Variants in SND1 observed in about 807,000 individuals in gnomAD.
SND1 encodes staphylococcal nuclease domain-containing protein 1.
Under a neutral mutation model 121.7 loss-of-function variants are expected in SND1, and 38 were observed. The ratio of observed to expected loss-of-function variants is 0.31; its 90% CI spans 0.24 to 0.41. The LOEUF (loss-of-function observed/expected upper bound fraction) is 0.41, where lower values mean the gene tolerates loss of function less well. Among genes scored for constraint, SND1 ranks in the 10% least tolerant of loss-of-function variants. The pLI is 1.00. For missense variants in SND1, 868 were observed against 1,184.6 expected (o/e 0.73, Z 3.92); for synonymous variants, 401 against 447.4 (o/e 0.90, Z 1.31).
intron 9 of SND1, among the ~76,000 whole-genome samples, chr7:127,711,739 GTTTTTTTCTCCT>G (rs1562987434): frequency 1.3e-5 from 2 of 151,602 alleles, no homozygotes; most frequent in African/African-American, 4.8e-5. Context: ...TCATCTTCCA[GTTTTTTTCTCCT>G]ATTTTCTGTC....
intron 1 of SND1, among the ~76,000 whole-genome samples, chr7:127,661,958 A>G (rs1165778819): frequency 6.7e-6 from 1 of 149,706 alleles, no homozygotes; most frequent in Non-Finnish European, 1.5e-5. Context: ...TCTACTAAAA[A>G]TACAAAAATT....
chr7:127,812,783 G>T (rs1001047328), intron 11 of SND1, among the ~76,000 whole-genome samples: 9 of 152,170 alleles, frequency 5.9e-5, no homozygotes, highest in Non-Finnish European at 1.2e-4. Flanking sequence ...TCAGGGTTGT[G>T]CTTTTCCTTA....
chr7:128,083,495 G>T (rs1278672558), intron 18 of SND1, among the ~76,000 whole-genome samples: 1 of 152,212 alleles, frequency 6.6e-6, no homozygotes, highest in East Asian at 1.9e-4. Flanking sequence ...CTTAAGAGTG[G>T]ACATACATCC....
chr7:127,779,490 G>A (rs556169635), intron 10 of SND1, among the ~76,000 whole-genome samples: 2 of 152,274 alleles, frequency 1.3e-5, no homozygotes, highest in South Asian at 2.1e-4. Context: ...AGAGACAATG[G>A]CCATATTCCC....
At chr7:127,866,390 C>T (rs1187802066) in intron 12 of SND1, among the ~76,000 whole-genome samples, 5 of 152,140 alleles carry the variant, frequency 3.3e-5, no homozygotes, top group Admixed American at 1.3e-4. Flanking sequence ...AAGCTAGGGG[C>T]TGCCCATCAA....
intron 1 of SND1, among the ~76,000 whole-genome samples, chr7:127,680,733 T>C (rs963368556): frequency 6.6e-6 from 1 of 150,742 alleles, no homozygotes; most frequent in African/African-American, 2.4e-5. Flanking sequence ...AACGCAATCA[T>C]CACAGGGTTC....
chr7:127,895,010 C>G (rs1427100720), intron 13 of SND1, among the ~76,000 whole-genome samples: 1 of 151,900 alleles, frequency 6.6e-6, no homozygotes. Context: ...TTAGCCCTCC[C>G]TCTTTCCTCC....
At chr7:127,920,638 A>G (rs1800682687) in intron 14 of SND1, among the ~76,000 whole-genome samples, 1 of 152,156 alleles carries the variant, frequency 6.6e-6, no homozygotes, top group Non-Finnish European at 1.5e-5. Flanking sequence ...CATACCTTTC[A>G]GATAGTTCTG....
intron 15 of SND1, among the ~76,000 whole-genome samples, chr7:127,941,787 G>A (rs1031556667): frequency 1.4e-5 from 2 of 145,062 alleles, no homozygotes; most frequent in Admixed American, 6.9e-5. Flanking sequence ...GTATGTGCAG[G>A]GAATGCAGAA....
At chr7:127,868,837 T>G (rs1228894852) in intron 12 of SND1, among the ~76,000 whole-genome samples, 1 of 152,218 alleles carries the variant, frequency 6.6e-6, no homozygotes, top group African/African-American at 2.4e-5. Flanking sequence ...TTTTATTTTT[T>G]TTAACTTTAG....
intron 16 of SND1, among the ~76,000 whole-genome samples, chr7:128,046,970 ATC>A (rs1792959885): frequency 6.6e-6 from 1 of 152,148 alleles, no homozygotes; most frequent in Non-Finnish European, 1.5e-5. Context: ...CTGATGTTAG[ATC>A]TCTTAGTGTG....
chr7:128,092,260 G>C lies in SND1; in HGVS notation c.*202G>C, dbSNP rs1450148956. 8.4e-6 allele frequency: 5 copies of C among 591,946 alleles called. No homozygotes were observed. The highest frequency in any genetic ancestry group is 1.2e-5 in the Non-Finnish European group (4 of 332,574). The allele number at this position is 591,946 out of a possible 1,614,324, so 36.7% of individuals were successfully genotyped here. A position where few individuals can be genotyped will look rare whatever the true frequency, so the allele number is the denominator to read the frequency against. On this transcript the variant is annotated 3_prime_UTR_variant, in exon 24 of 24. Transcript: ENST00000354725. The surrounding 1 kb of genome is among the most constrained non-coding windows in gnomAD (Gnocchi z 4.9). The stretch of plus-strand genomic sequence containing the variant: ...TTTCTGGGGCAGACCCTTGTCCTCT[G>C]GGATGATGGGCACTGCTATCCACAG...
intron 13 of SND1, among the ~76,000 whole-genome samples, chr7:127,888,780 G>A (rs568689628): frequency 6.6e-6 from 1 of 152,086 alleles, no homozygotes; most frequent in Non-Finnish European, 1.5e-5. Flanking sequence ...TTGTTTAAAC[G>A]TGATTTCAGA....
chr7:127,822,769 C>T (rs564187765), intron 11 of SND1, among the ~76,000 whole-genome samples: 3 of 152,258 alleles, frequency 2.0e-5, no homozygotes, highest in South Asian at 2.1e-4. Context: ...ATGATGGTTT[C>T]TCCATGTCAT....
chr7:127,738,181 C>T (rs1294993805), intron 10 of SND1, among the ~76,000 whole-genome samples: 2 of 152,096 alleles, frequency 1.3e-5, no homozygotes, highest in African/African-American at 4.8e-5. Flanking sequence ...AGCTTCTCCT[C>T]CCACCCCCAA....
Position 127,980,279 on chromosome 7 carries a change from ATTTTTT to A in SND1, c.1670-10659_1670-10654del, listed in dbSNP as rs555863231. 4.0e-5 allele frequency among the ~76,000 whole-genome samples: 2 copies of A among 49,722 alleles called. 1 individual carries two copies. Among genetic ancestry groups the A allele is most frequent in the Non-Finnish European group, 6.7e-5 (2 of 29,780 alleles). 32.6% of individuals were successfully genotyped at this position (49,722 alleles called of 152,430 possible). ...AGGCGCCCGCCACTACGCCCGGCTA[ATTTTTT>A]TTTTTTTTGTATTTTTAGTAGAGAC... On this transcript the variant is annotated intron_variant, in intron 15 of 23. Transcript: ENST00000354725.
At chr7:127,891,732 C>T (rs910537233) in intron 13 of SND1, among the ~76,000 whole-genome samples, 3 of 152,066 alleles carry the variant, frequency 2.0e-5, no homozygotes, top group Non-Finnish European at 4.4e-5. Flanking sequence ...TTGGTGTTGA[C>T]CCCAAGTCTC....
At chr7:127,882,933 C>A (rs1233765279) in intron 12 of SND1, among the ~76,000 whole-genome samples, 1 of 152,156 alleles carries the variant, frequency 6.6e-6, no homozygotes, top group Non-Finnish European at 1.5e-5. Context: ...ACCTAACAAC[C>A]TTGGAAGTCT....
At chr7:127,797,019 A>G (rs2116554870) in intron 10 of SND1, among the ~76,000 whole-genome samples, 1 of 150,814 alleles carries the variant, frequency 6.6e-6, no homozygotes, top group East Asian at 2.0e-4. Flanking sequence ...CAGCCTCCCG[A>G]GTAGCTGGGA....
Sources: gnomAD v4.1 joint callset for allele counts (sites outside exome capture counted in the v4.1 genomes callset) on GRCh38, gnomAD v4.1.1 for gene constraint, Gnocchi (gnomAD v3.1) non-coding constraint, MANE v1.5 for transcripts, NCBI Gene and HGNC (gene_info 2026-07-23, HGNC 2026-07-21) for gene names.